The following YTHDC1 variants were observed in gnomAD, a reference collection of about 807,000 sequenced individuals.
The protein encoded by YTHDC1 is YTH domain-containing protein 1.
A neutral mutation model predicts 107.0 loss-of-function variants in YTHDC1; 12 were observed. That is an observed-to-expected ratio of 0.11 (90% confidence interval 0.07 to 0.18). The LOEUF is 0.18. YTHDC1 is among the 10% of genes least tolerant of loss of function. YTHDC1 has a pLI of 1.00. For missense variants in YTHDC1, 635 were observed against 898.8 expected, an observed-to-expected ratio of 0.71 and a Z score of 3.75; for synonymous variants, 280 against 289.5, an observed-to-expected ratio of 0.97 and a Z score of 0.33.
At chr4:68,333,747 C>A (rs571915545) in intron 4 of YTHDC1, among the ~76,000 whole-genome samples, 1 of 151,774 alleles carries the variant, frequency 6.6e-6, no homozygotes, top group African/African-American at 2.4e-5. Flanking sequence ...CCTTTCTACA[C>A]ACCAGGTAAC....
chr4:68,349,068 A>G (rs1725771084), intron 1 of YTHDC1, among the ~76,000 whole-genome samples: 1 of 152,048 alleles, frequency 6.6e-6, no homozygotes, highest in Non-Finnish European at 1.5e-5. Context: ...ACCCTCTGGG[A>G]GCTACACACG....
At chr4:68,318,905 TTC>T (rs1722148704) in intron 12 of YTHDC1, 43 bp from the exon 13 acceptor site, 1 of 1,601,460 alleles carries the variant, frequency 6.2e-7, no homozygotes, top group Non-Finnish European at 8.6e-7. Flanking sequence ...ATTTATATTT[TTC>T]TTTTATGGCA....
intron 1 of YTHDC1, among the ~76,000 whole-genome samples, chr4:68,348,912 C>A (rs1401426542): frequency 6.6e-6 from 1 of 152,220 alleles, no homozygotes; most frequent in African/African-American, 2.4e-5. Context: ...CAGAGAGACA[C>A]TGATCTAGGA....
At chr4:68,326,575 A>G (rs1022323711) in intron 9 of YTHDC1, among the ~76,000 whole-genome samples, 4 of 152,128 alleles carry the variant, frequency 2.6e-5, no homozygotes, top group Admixed American at 6.5e-5. Context: ...CAAATTTAAC[A>G]AAGAATGTAA....
At chr4:68,325,263 CAGA>C (rs1480820828) in intron 9 of YTHDC1, among the ~76,000 whole-genome samples, 4 of 152,002 alleles carry the variant, frequency 2.6e-5, no homozygotes, top group African/African-American at 7.2e-5. Flanking sequence ...ATGCACAATA[CAGA>C]AGATTTTTTT....
intron 9 of YTHDC1, among the ~76,000 whole-genome samples, chr4:68,327,143 G>C (rs562925866): frequency 6.6e-6 from 1 of 152,058 alleles, no homozygotes; most frequent in South Asian, 2.1e-4. Context: ...GGCTGAGGCA[G>C]AAGAATCGCT....
intron 1 of YTHDC1, among the ~76,000 whole-genome samples, chr4:68,348,234 G>A (rs2109753742): frequency 6.6e-6 from 1 of 152,146 alleles, no homozygotes; most frequent in South Asian, 2.1e-4. Context: ...TTTCATCTTA[G>A]ACAACGAATT....
chr4:68,348,740 C>A (rs561056373), intron 1 of YTHDC1, among the ~76,000 whole-genome samples: 1 of 152,248 alleles, frequency 6.6e-6, no homozygotes, highest in South Asian at 2.1e-4. Flanking sequence ...CACTTAACAA[C>A]CCCCGACAAA....
Position 68,337,976 on chromosome 4 carries a change from A to G in YTHDC1, c.131-76T>C, listed in dbSNP as rs2109731205. 4.0e-6 allele frequency: 6 copies of G among 1,518,260 alleles called. No homozygotes were observed. In the South Asian group the frequency reaches 7.6e-5, roughly 19 times the overall value. The allele number at this position is 1,518,260 out of a possible 1,614,324, so 94.0% of individuals were successfully genotyped here. On this transcript the variant is annotated intron_variant, in intron 2 of 16. Transcript: ENST00000344157. ...TTTATTTCACCAAAGACTGACAATAATATATACATCAGGAAGGGGGGATAG... is the reference window on the plus strand; with the variant it reads ...TTTATTTCACCAAAGACTGACAATAGTATATACATCAGGAAGGGGGGATAG...
chr4:68,339,640 C>G (rs992484760), intron 1 of YTHDC1, among the ~76,000 whole-genome samples: 3 of 148,190 alleles, frequency 2.0e-5, no homozygotes, highest in African/African-American at 7.5e-5. Flanking sequence ...ACAAATGTGA[C>G]AAAATGCTAA....
At chr4:68,332,714 C>T in intron 6 of YTHDC1, 80 bp downstream of exon 6, 1 of 1,254,872 alleles carries the variant, frequency 8.0e-7, no homozygotes, top group Non-Finnish European at 1.1e-6. Flanking sequence ...ACATTAAAAG[C>T]AGCTATTAAT....
intron 16 of YTHDC1, 146 bp from the exon 17 acceptor site, chr4:68,314,469 C>G (rs559536596): frequency 3.1e-6 from 2 of 649,314 alleles, no homozygotes; most frequent in South Asian, 6.4e-5. Context: ...AGAGAACAAT[C>G]CAAAGAAATG....
chr4:68,330,994 C>T (rs1036550280), intron 7 of YTHDC1, among the ~76,000 whole-genome samples: 1 of 152,126 alleles, frequency 6.6e-6, no homozygotes, highest in Non-Finnish European at 1.5e-5. Flanking sequence ...TACAGTTGTT[C>T]CTCAGTCTCC....
At chr4:68,348,500 G>A (rs1310391558) in intron 1 of YTHDC1, among the ~76,000 whole-genome samples, 1 of 148,322 alleles carries the variant, frequency 6.7e-6, no homozygotes, top group Non-Finnish European at 1.5e-5. Context: ...AAAGGCCCAG[G>A]GAGATTTTTT....
In YTHDC1 at chr4:68,324,226, A is replaced by G. The variant is rs746355614; in HGVS notation, c.1350-3T>C. On this transcript the variant is annotated splice_polypyrimidine_tract_variant and splice_region_variant and intron_variant, in intron 9 of 16. Transcript: ENST00000344157. The stretch of plus-strand genomic sequence containing the variant: ...ACTTAGTGAAGGGTAATTCACGCCT[A>G]AATACAAAGTAATATCAATTACATT... 16 of 1,610,504 alleles carry G rather than the reference A, an allele frequency of 9.9e-6. No homozygotes were observed. The highest frequency in any genetic ancestry group is 1.4e-5 in the Non-Finnish European group (16 of 1,177,036).
chr4:68,318,669 T>G, intron 14 of YTHDC1, 21 bp downstream of exon 14: 1 of 1,613,336 alleles, frequency 6.2e-7, no homozygotes, highest in Non-Finnish European at 8.5e-7. Context: ...CCACATTAAA[T>G]AGATAAAATG....
chr4:68,341,443 C>G (rs368521627), intron 1 of YTHDC1, among the ~76,000 whole-genome samples: 1 of 152,112 alleles, frequency 6.6e-6, no homozygotes, highest in African/African-American at 2.4e-5. Flanking sequence ...ACACTTTTAT[C>G]CGTATTATAG....
chr4:68,337,338 G>C lies in YTHDC1; in HGVS notation c.572C>G (p.Ser191Cys), dbSNP rs1560496601. ...SDHETGSSGSSDEQGNNTENE... is the reference protein window; with the variant it reads ...SDHETGSSGSCDEQGNNTENE... ...CTCAGTGTTGTTCCCTTGCTCATCA[G>C]AAGAACCACTGCTGCCAGTCTCATG... The change falls in exon 4 of 17, where the codon TCT (serine) becomes TGT (cysteine). Residue 191 changes from serine to cysteine, a missense_variant. Coordinates refer to ENST00000344157, the MANE Select transcript of YTHDC1 (RefSeq NM_001031732.4). 6.2e-7 allele frequency: 1 copy of C among 1,613,880 alleles called. No individual in the cohort carries two copies. Among genetic ancestry groups the C allele is most frequent in the African/African-American group, 1.3e-5 (1 of 74,950 alleles).
At position 68,333,413 on chromosome 4, in the gene YTHDC1, G is replaced by T. The variant is rs571739214; in HGVS notation, c.884-16C>A. On this transcript the variant is annotated splice_polypyrimidine_tract_variant and intron_variant, in intron 4 of 16. Transcript: ENST00000344157. ...TTTTTCTCATCTAAAAAGAACAAGA[G>T]TTTTTTTTTTAAATCACAATACAGA... The T allele has an allele frequency of 1.5e-5, 21 of 1,416,044 alleles. No homozygotes were observed. Among genetic ancestry groups the T allele is most frequent in the African/African-American group, 2.9e-5 (2 of 68,700 alleles). The allele number at this position is 1,416,044 out of a possible 1,614,324, so 87.7% of individuals were successfully genotyped here.
Sources: gnomAD v4.1 joint callset for allele counts (sites outside exome capture counted in the v4.1 genomes callset) on GRCh38, gnomAD v4.1.1 for gene constraint, MANE v1.5 for transcripts, NCBI Gene and HGNC (gene_info 2026-07-23, HGNC 2026-07-21) for gene names.